NR3C2: variants seen among roughly 807,000 people sequenced by gnomAD.
NR3C2 encodes nuclear receptor subfamily 3 group C member 2, also known as mineralocorticoid receptor.
Under a neutral mutation model 86.4 loss-of-function variants are expected in NR3C2, and 15 were observed. The ratio of observed to expected loss-of-function variants is 0.17; its 90% CI spans 0.12 to 0.27. The LOEUF is 0.27. NR3C2 is among the 10% of genes least tolerant of loss of function. The probability of loss-of-function intolerance (pLI) is 1.00; values close to 1 mark genes in which losing one functional copy is unlikely to be tolerated. For synonymous variants in NR3C2, 458 were observed against 450.5 expected (o/e 1.02, Z -0.21); for missense variants, 960 against 1,195.6 (o/e 0.80, Z 2.91).
chr4:148,433,863 A>T (rs1365402426), intron 2 of NR3C2, among the ~76,000 whole-genome samples: 1 of 152,204 alleles, frequency 6.6e-6, no homozygotes, highest in Non-Finnish European at 1.5e-5. Context: ...CTTGTGTTAG[A>T]ACTTATAATT....
At chr4:148,365,536 C>T (rs1746068359) in intron 2 of NR3C2, among the ~76,000 whole-genome samples, 1 of 152,004 alleles carries the variant, frequency 6.6e-6, no homozygotes. Context: ...AGTATCATAA[C>T]TAGATTACTG....
At chr4:148,380,194 C>T (rs939664412) in intron 2 of NR3C2, among the ~76,000 whole-genome samples, 4 of 152,180 alleles carry the variant, frequency 2.6e-5, no homozygotes, top group African/African-American at 9.7e-5. Context: ...CAGTACTTCA[C>T]ATAAATGGAA....
intron 3 of NR3C2, among the ~76,000 whole-genome samples, chr4:148,210,084 G>A (rs1482940305): frequency 6.6e-6 from 1 of 152,170 alleles, no homozygotes; most frequent in Non-Finnish European, 1.5e-5. Flanking sequence ...GGGTCTGGAT[G>A]GGTCACATTC....
intron 8 of NR3C2, among the ~76,000 whole-genome samples, chr4:148,091,704 A>C (rs903497522): frequency 6.6e-6 from 1 of 152,250 alleles, no homozygotes; most frequent in Non-Finnish European, 1.5e-5. Context: ...AGGAATATGC[A>C]GACTTGGCCC....
intron 2 of NR3C2, among the ~76,000 whole-genome samples, chr4:148,274,705 CTTTTT>C (rs34170216): frequency 7.7e-6 from 1 of 129,214 alleles, no homozygotes; most frequent in Non-Finnish European, 1.6e-5. Flanking sequence ...GTAGTTTTTT[CTTTTT>C]TTTTTTTTTT....
In NR3C2 at chr4:148,436,296, C is replaced by A. The variant is rs1553943195; in HGVS notation, c.565G>T (p.Glu189Ter). ...GGGCTGCAAACAGACGGGCTTTTCT[C>A]ATGACACATGATAGGGCTTTTAACA... ...AVVKSPIMCH[E>*]KSPSVCSPLN... The change falls in exon 2 of 9, where the codon GAG becomes TAG. Residue 189 changes from glutamate to a stop codon, truncating the protein, a stop_gained. Transcript: ENST00000358102. LOFTEE classifies it high-confidence loss of function. The A allele has an allele frequency of 6.2e-7, 1 of 1,614,146 alleles. No individual in the cohort carries two copies. The highest frequency in any genetic ancestry group is 1.1e-5 in the South Asian group (1 of 91,080).
chr4:148,370,653 G>A (rs1746371748), intron 2 of NR3C2, among the ~76,000 whole-genome samples: 1 of 152,114 alleles, frequency 6.6e-6, no homozygotes. Context: ...AATTAAAATG[G>A]ATGAATGGGA....
intron 3 of NR3C2, among the ~76,000 whole-genome samples, chr4:148,215,368 A>C (rs983691753): frequency 6.6e-6 from 1 of 152,232 alleles, no homozygotes; most frequent in Non-Finnish European, 1.5e-5. Flanking sequence ...TTTATCCATG[A>C]ACTGCTGCTG....
chr4:148,434,305 C>G (rs1458241073), intron 2 of NR3C2, among the ~76,000 whole-genome samples: 1 of 152,144 alleles, frequency 6.6e-6, no homozygotes, highest in African/African-American at 2.4e-5. Flanking sequence ...ATAGTCATAT[C>G]TAAAACCTCT....
At chr4:148,186,087 C>T (rs547425259) in intron 4 of NR3C2, among the ~76,000 whole-genome samples, 119 of 152,276 alleles carry the variant, frequency 7.8e-4, no homozygotes, top group South Asian at 1.2e-3. Flanking sequence ...ACCTGAAATG[C>T]AGGAGATCAT....
At chr4:148,420,400 G>A (rs1269778553) in intron 2 of NR3C2, among the ~76,000 whole-genome samples, 1 of 152,132 alleles carries the variant, frequency 6.6e-6, no homozygotes, top group African/African-American at 2.4e-5. Context: ...CAAACCAAGA[G>A]TACTGACTAA....
intron 2 of NR3C2, among the ~76,000 whole-genome samples, chr4:148,318,999 T>G (rs1743393650): frequency 6.6e-6 from 1 of 151,798 alleles, no homozygotes; most frequent in South Asian, 2.1e-4. Context: ...CTAGGGTTTT[T>G]ATGGTTTTAG....
At chr4:148,312,792 T>C (rs1742967362) in intron 2 of NR3C2, among the ~76,000 whole-genome samples, 1 of 152,200 alleles carries the variant, frequency 6.6e-6, no homozygotes, top group African/African-American at 2.4e-5. Flanking sequence ...AGTTGATACA[T>C]TCTTGCTTCA....
chr4:148,225,038 C>T (rs1249057050), intron 3 of NR3C2, among the ~76,000 whole-genome samples: 2 of 152,268 alleles, frequency 1.3e-5, no homozygotes, highest in South Asian at 2.1e-4. Flanking sequence ...ATAACTTCAG[C>T]GAGGATGCCA....
intron 3 of NR3C2, among the ~76,000 whole-genome samples, chr4:148,195,591 C>A (rs1035718461): frequency 1.3e-5 from 2 of 152,040 alleles, no homozygotes; most frequent in African/African-American, 2.4e-5. Flanking sequence ...TGTAAGATGT[C>A]AGATAATAAT....
intron 2 of NR3C2, among the ~76,000 whole-genome samples, chr4:148,373,121 T>C (rs1433331064): frequency 6.6e-6 from 1 of 152,204 alleles, no homozygotes; most frequent in Non-Finnish European, 1.5e-5. Flanking sequence ...TATTTGTTTG[T>C]CTTTCTAAGG....
chr4:148,232,073 G>A (rs1316084198), intron 3 of NR3C2, among the ~76,000 whole-genome samples: 1 of 152,088 alleles, frequency 6.6e-6, no homozygotes, highest in African/African-American at 2.4e-5. Context: ...CATGATGGAT[G>A]GAAAGTTGGA....
At chr4:148,303,877 A>G (rs573112295) in intron 2 of NR3C2, among the ~76,000 whole-genome samples, 54 of 152,296 alleles carry the variant, frequency 3.5e-4, no homozygotes, top group Non-Finnish European at 7.2e-4. Flanking sequence ...GTATGAGCGG[A>G]TATTTCCACT....
intron 2 of NR3C2, among the ~76,000 whole-genome samples, chr4:148,355,733 C>T (rs1745520956): frequency 1.3e-5 from 2 of 152,186 alleles, no homozygotes; most frequent in South Asian, 4.1e-4. Context: ...ACTATGATCA[C>T]TGGGAGGATA....
Sources: gnomAD v4.1 joint callset for allele counts (sites outside exome capture counted in the v4.1 genomes callset) on GRCh38, gnomAD v4.1.1 for gene constraint, MANE v1.5 for transcripts, NCBI Gene and HGNC (gene_info 2026-07-23, HGNC 2026-07-21) for gene names.